The following ANO1 variants were observed in gnomAD, a reference collection of about 807,000 sequenced individuals.
ANO1 encodes the protein anoctamin-1.
ANO1 carries 59 observed loss-of-function variants against 124.0 expected under a neutral mutation model. The observed-to-expected ratio is 0.48, with a 90% confidence interval of 0.39 to 0.59. ANO1 has a LOEUF of 0.59. Ranked by LOEUF, ANO1 falls within the 20% of genes least tolerant of loss-of-function variation. ANO1 has a pLI of 0.00. For missense variants in ANO1, 1,059 were observed against 1,328.0 expected (o/e 0.80, Z 3.15); for synonymous variants, 529 against 532.0 (o/e 0.99, Z 0.08).
chr11:69,985,509 C>T (rs974972029), upstream of ANO1, among the ~76,000 whole-genome samples: 8 of 152,184 alleles, frequency 5.3e-5, no homozygotes, highest in Non-Finnish European at 1.2e-4. Flanking sequence ...GGGCGCTCTT[C>T]TGATGCGGGA....
chr11:70,130,425 C>T (rs538091577), intron 10 of ANO1, among the ~76,000 whole-genome samples: 4 of 152,292 alleles, frequency 2.6e-5, no homozygotes, highest in African/African-American at 9.6e-5. Flanking sequence ...TTTGAAGATA[C>T]ACACAGACCA....
At position 70,010,179 on chromosome 11, in the gene ANO1, G is replaced by GTATGTGTGTGTATATATA. The variant is rs1188271051; in HGVS notation, c.58+24016_58+24017insGTGTGTGTATATATATAT. On this transcript the variant is annotated intron_variant, in intron 1 of 27. Coordinates refer to the ANO1 transcript ENST00000531349. ...TGTGTGTGTGTGCGCGTGTGTGTGTGTATATATATATATATATATCACATT... is the reference window on the plus strand; with the variant it reads ...TGTGTGTGTGTGCGCGTGTGTGTGTGTATGTGTGTGTATATATATATATATATATATATATATCACATT... 6.2e-4 allele frequency among the ~76,000 whole-genome samples: 52 copies of GTATGTGTGTGTATATATA among 83,764 alleles called. 7 individuals are homozygous for GTATGTGTGTGTATATATA. Among genetic ancestry groups the GTATGTGTGTGTATATATA allele is most frequent in the South Asian group, 2.8e-3 (6 of 2,110 alleles). The allele number at this position is 83,764 out of a possible 152,430, so 55.0% of individuals were successfully genotyped here. A position where few individuals can be genotyped will look rare whatever the true frequency, so the allele number is the denominator to read the frequency against.
At chr11:70,058,332 T>C (rs1857488930) in intron 1 of ANO1, among the ~76,000 whole-genome samples, 1 of 152,174 alleles carries the variant, frequency 6.6e-6, no homozygotes, top group Non-Finnish European at 1.5e-5. Flanking sequence ...CTAGGCCAGA[T>C]TGATTTAGGT....
chr11:70,002,593 T>C (rs1364791626), intron 1 of ANO1, among the ~76,000 whole-genome samples: 3 of 152,218 alleles, frequency 2.0e-5, no homozygotes, highest in Admixed American at 6.5e-5. Flanking sequence ...GTGCGGTGGC[T>C]ACGTCATCTC....
chr11:70,113,064 C>T (rs545100083), intron 7 of ANO1, among the ~76,000 whole-genome samples: 3 of 152,080 alleles, frequency 2.0e-5, no homozygotes, highest in East Asian at 1.9e-4. Flanking sequence ...TGAGCAGCCC[C>T]GCTTCCTCCC....
intron 1 of ANO1, among the ~76,000 whole-genome samples, chr11:70,038,073 G>A (rs1402463532): frequency 1.3e-5 from 2 of 152,132 alleles, no homozygotes; most frequent in Non-Finnish European, 2.9e-5. Context: ...GTTTGTGTGA[G>A]GAATGGAGAA....
intron 14 of ANO1, among the ~76,000 whole-genome samples, chr11:70,153,726 A>G (rs2135659661): frequency 6.6e-6 from 1 of 152,204 alleles, no homozygotes. Flanking sequence ...GGACTCTCGA[A>G]GACCTCCAGA....
chr11:69,971,557 TA>T, the ANO1 span, among the ~76,000 whole-genome samples: 1 of 152,226 alleles, frequency 6.6e-6, no homozygotes, highest in African/African-American at 2.4e-5. Context: ...TTTTTCTTTT[TA>T]CTCCTCCTCC....
chr11:70,185,808 C>G (rs7115648), intron 25 of ANO1, 113 bp downstream of exon 25: 170,533 of 1,157,906 alleles, frequency 0.15, 14,380 homozygotes, highest in African/African-American at 0.3. Flanking sequence ...AGAGACTCCT[C>G]CAGAGGCTTG....
Position 70,024,251 on chromosome 11 carries a change from G to A in ANO1, c.58+38085G>A, listed in dbSNP as rs547831635. Among the ~76,000 whole-genome samples the A allele has an allele frequency of 2.9e-3, 435 of 152,288 alleles. 3 individuals carry two copies. The highest frequency in any genetic ancestry group is 9.8e-3 in the African/African-American group (408 of 41,544). Reference sequence around the variant, plus strand: ...GTCTTTGACCCTCCCTAAATGAGTCGCAATGGCCTGGGGGATGCTTAGCTG... The same window carrying A: ...GTCTTTGACCCTCCCTAAATGAGTCACAATGGCCTGGGGGATGCTTAGCTG... On this transcript the variant is annotated intron_variant, in intron 1 of 27. Transcript: ENST00000531349.
At chr11:70,046,543 T>C (rs1279513071) in intron 1 of ANO1, among the ~76,000 whole-genome samples, 2 of 152,028 alleles carry the variant, frequency 1.3e-5, no homozygotes, top group Admixed American at 6.6e-5. Context: ...AATATGGCCA[T>C]TTGAGATTCA....
the ANO1 span, among the ~76,000 whole-genome samples, chr11:69,974,459 C>A: frequency 6.6e-6 from 1 of 152,236 alleles, no homozygotes; most frequent in Non-Finnish European, 1.5e-5. Flanking sequence ...TCATGAACGA[C>A]CGCTTTACAG....
intron 1 of ANO1, among the ~76,000 whole-genome samples, chr11:70,038,148 T>C (rs1555004619): frequency 1.3e-5 from 2 of 152,174 alleles, no homozygotes; most frequent in African/African-American, 4.8e-5. Flanking sequence ...TGCATATCTA[T>C]ATATGTTCCA....
At chr11:70,124,978 G>A (rs1053804422) in intron 9 of ANO1, among the ~76,000 whole-genome samples, 7 of 152,344 alleles carry the variant, frequency 4.6e-5, no homozygotes, top group African/African-American at 1.4e-4. Flanking sequence ...CACAGCCTCA[G>A]GGGAAGTAGG....
At chr11:70,100,992 G>A (rs1044827984) in intron 2 of ANO1, among the ~76,000 whole-genome samples, 3 of 152,142 alleles carry the variant, frequency 2.0e-5, no homozygotes, top group East Asian at 3.9e-4. Flanking sequence ...GGACGCAGCC[G>A]GGGGCCTCAC....
intron 7 of ANO1, among the ~76,000 whole-genome samples, chr11:70,112,562 T>C (rs1367693076): frequency 6.6e-6 from 1 of 150,742 alleles, no homozygotes; most frequent in African/African-American, 2.4e-5. Context: ...TCTTTTTTTT[T>C]TTTTTTTTGA....
intron 1 of ANO1, among the ~76,000 whole-genome samples, chr11:70,065,931 C>T (rs61886442): frequency 0.29 from 44,606 of 152,116 alleles, 8,103 homozygotes; most frequent in East Asian, 0.44. Flanking sequence ...GCTAGCCCGC[C>T]GTCCCCTCTT....
At position 70,131,350 on chromosome 11, in the gene ANO1, T is replaced by C. The variant is rs182250324; in HGVS notation, c.1098-569T>C. On this transcript the variant is annotated intron_variant, in intron 10 of 25. Transcript: ENST00000355303. ...GTGTGTGTGCGCGTCTGTGTTGAGA[T>C]GGAGTCTCGCTCTGTCACCCAGGCT... Among the ~76,000 whole-genome samples the C allele has an allele frequency of 1.2e-3, 177 of 151,868 alleles. No homozygotes were observed. In the East Asian group the frequency reaches 0.015, roughly 13 times the overall value.
chr11:70,095,283 G>GGAAGGAAGGAAA lies in ANO1; in HGVS notation c.441+7210_441+7211insAGAAGGAAGGAA, dbSNP rs1555017312. On this transcript the variant is annotated intron_variant, in intron 2 of 25. Transcript: ENST00000355303. ...AGGAAGGAAGGAAGGAAGGAAGGAAGGAAGGAAGGAAGGAAGGAAAGAAAG... is the reference window on the plus strand; with the variant it reads ...AGGAAGGAAGGAAGGAAGGAAGGAAGGAAGGAAGGAAAGAAGGAAGGAAGGAAGGAAAGAAAG... Among the ~76,000 whole-genome samples the GGAAGGAAGGAAA allele has an allele frequency of 5.2e-4, 44 of 84,098 alleles. 5 individuals carry two copies. Among genetic ancestry groups the GGAAGGAAGGAAA allele is most frequent in the African/African-American group, 2.5e-3 (43 of 17,176 alleles). The allele number at this position is 84,098 out of a possible 152,430, so 55.2% of individuals were successfully genotyped here.
Sources: gnomAD v4.1 joint callset for allele counts (sites outside exome capture counted in the v4.1 genomes callset) on GRCh38, gnomAD v4.1.1 for gene constraint, MANE v1.5 for transcripts, NCBI Gene and HGNC (gene_info 2026-07-23, HGNC 2026-07-21) for gene names.